Variants in GRIK4 observed in about 807,000 individuals in gnomAD.
The protein encoded by GRIK4 is glutamate ionotropic receptor kainate type subunit 4.
In GRIK4, 40 loss-of-function variants were observed where a neutral mutation model predicts 104.9. The ratio of observed to expected loss-of-function variants is 0.38; its 90% CI spans 0.30 to 0.50. The LOEUF is 0.50. Ranked by LOEUF, GRIK4 falls within the 20% of genes least tolerant of loss-of-function variation. GRIK4 has a pLI of 0.93. For synonymous variants in GRIK4, 485 were observed against 524.9 expected (o/e 0.92, Z 1.04); for missense variants, 1,047 against 1,308.1 (o/e 0.80, Z 3.08).
rs563988152 is a variant in GRIK4 at position 120,524,263 on chromosome 11, G to A, written c.-159+12376G>A. On this transcript the variant is annotated intron_variant, in intron 1 of 20. Coordinates refer to ENST00000527524, the MANE Select transcript of GRIK4 (RefSeq NM_014619.5). This position sits in a 1 kb window ranked among gnomAD's most constrained non-coding sequence, Gnocchi z 4.5. Reference sequence around the variant, plus strand: ...TTCCCCAACAACCAGAACAGCACTGGGTGCTCAGTATGCGTTTAGTGGGTG... The same window carrying A: ...TTCCCCAACAACCAGAACAGCACTGAGTGCTCAGTATGCGTTTAGTGGGTG... Among the ~76,000 whole-genome samples the A allele has an allele frequency of 6.6e-6, 1 of 152,258 alleles. No homozygotes were observed. Among genetic ancestry groups the A allele is most frequent in the South Asian group, 2.1e-4 (1 of 4,818 alleles).
At chr11:120,961,285 G>A (rs1272649773) in intron 17 of GRIK4, among the ~76,000 whole-genome samples, 1 of 152,168 alleles carries the variant, frequency 6.6e-6, no homozygotes, top group African/African-American at 2.4e-5. Flanking sequence ...ATCAGCCGGT[G>A]CCAGAGTGGT....
At chr11:120,971,244 T>G (rs1944470258) in intron 19 of GRIK4, among the ~76,000 whole-genome samples, 1 of 152,208 alleles carries the variant, frequency 6.6e-6, no homozygotes, top group Non-Finnish European at 1.5e-5. Context: ...CTGTTGACAT[T>G]TTCCCCCCTA....
At chr11:120,842,116 C>G (rs1266405075) in intron 8 of GRIK4, among the ~76,000 whole-genome samples, 1 of 152,094 alleles carries the variant, frequency 6.6e-6, no homozygotes, top group Non-Finnish European at 1.5e-5. Context: ...AACACTGTAC[C>G]TGGTAGGTAA....
At chr11:120,744,994 T>A (rs1256852672) in intron 3 of GRIK4, among the ~76,000 whole-genome samples, 2 of 151,992 alleles carry the variant, frequency 1.3e-5, no homozygotes, top group Admixed American at 6.6e-5. Flanking sequence ...GTAATTAAAT[T>A]TGTGTTTCTT....
intron 3 of GRIK4, among the ~76,000 whole-genome samples, chr11:120,672,258 A>G (rs1950031498): frequency 6.6e-6 from 1 of 152,120 alleles, no homozygotes; most frequent in African/African-American, 2.4e-5. Context: ...TCTACTAAAA[A>G]TACAAAAATT....
chr11:120,786,666 C>A (rs1276838773), intron 3 of GRIK4, among the ~76,000 whole-genome samples: 1 of 152,210 alleles, frequency 6.6e-6, no homozygotes, highest in East Asian at 1.9e-4. Context: ...AATGCATGTA[C>A]ATATCAGAGC....
chr11:120,946,107 T>C (rs1475323239), intron 14 of GRIK4, among the ~76,000 whole-genome samples: 3 of 152,244 alleles, frequency 2.0e-5, no homozygotes, highest in Non-Finnish European at 4.4e-5. Flanking sequence ...CAAATATCTG[T>C]GTGAATGGAG....
At chr11:120,589,372 TA>T (rs1171315827) in intron 1 of GRIK4, among the ~76,000 whole-genome samples, 2 of 152,172 alleles carry the variant, frequency 1.3e-5, no homozygotes, top group Non-Finnish European at 2.9e-5. Context: ...GTCAAAATCC[TA>T]CCTTGGCCAC....
intron 3 of GRIK4, among the ~76,000 whole-genome samples, chr11:120,665,249 G>GT (rs2135251372): frequency 6.6e-6 from 1 of 151,658 alleles, no homozygotes; most frequent in South Asian, 2.1e-4. Flanking sequence ...TTCACCATGG[G>GT]TTTGTTTGAG....
At position 120,986,839 on chromosome 11, in the gene GRIK4, A is replaced by G. The variant is rs947081711; in HGVS notation, c.*579A>G. 3.3e-5 allele frequency: 5 copies of G among 152,220 alleles called. No homozygotes were observed. Among genetic ancestry groups the G allele is most frequent in the African/African-American group, 1.2e-4 (5 of 41,422 alleles). 9.4% of individuals were successfully genotyped at this position (152,220 alleles called of 1,614,324 possible). ...GCTGGGTTAGGGAATGGAAGCCTAAATAATCCCTATTTCTTCTTTTTCCTG... is the reference window on the plus strand; with the variant it reads ...GCTGGGTTAGGGAATGGAAGCCTAAGTAATCCCTATTTCTTCTTTTTCCTG... On this transcript the variant is annotated 3_prime_UTR_variant, in exon 21 of 21. Coordinates refer to ENST00000527524, the MANE Select transcript of GRIK4 (RefSeq NM_014619.5).
chr11:120,551,308 G>A (rs980409006), intron 1 of GRIK4, among the ~76,000 whole-genome samples: 9 of 152,094 alleles, frequency 5.9e-5, no homozygotes, highest in African/African-American at 9.7e-5. Flanking sequence ...TCTCCTGCCC[G>A]CTTTTCACCT....
chr11:120,625,562 G>A (rs1043746350), intron 1 of GRIK4, among the ~76,000 whole-genome samples: 10 of 152,160 alleles, frequency 6.6e-5, no homozygotes, highest in East Asian at 1.9e-4. Flanking sequence ...CAGCTCTTCC[G>A]TGGCTCTTTC....
At chr11:120,579,772 A>G (rs545768197) in intron 1 of GRIK4, among the ~76,000 whole-genome samples, 1 of 152,278 alleles carries the variant, frequency 6.6e-6, no homozygotes, top group East Asian at 1.9e-4. Context: ...TTTTACACAC[A>G]GTAAAATTCC....
rs909717347 is a variant in GRIK4 at position 120,555,069 on chromosome 11, G to A, written c.-159+43182G>A. On this transcript the variant is annotated intron_variant, in intron 1 of 20. Coordinates refer to ENST00000527524, the MANE Select transcript of GRIK4 (RefSeq NM_014619.5). This position sits in a 1 kb window ranked among gnomAD's most constrained non-coding sequence, Gnocchi z 5.3. ...AGCTGGTTGCCTCTGAAGCCTGTGA[G>A]GCATGAGAAGGCGCTCTGCAGCCCG... Among the ~76,000 whole-genome samples, 3 of 152,254 alleles carry A rather than the reference G, an allele frequency of 2.0e-5. No individual in the cohort carries two copies. Among genetic ancestry groups the A allele is most frequent in the Non-Finnish European group, 4.4e-5 (3 of 68,046 alleles).
chr11:120,589,015 A>G (rs1948703842), intron 1 of GRIK4, among the ~76,000 whole-genome samples: 1 of 152,178 alleles, frequency 6.6e-6, no homozygotes, highest in African/African-American at 2.4e-5. Flanking sequence ...TTATGAGCAG[A>G]TGGTGCAGAG....
At chr11:120,813,099 G>A (rs1023428584) in intron 4 of GRIK4, among the ~76,000 whole-genome samples, 18 of 152,178 alleles carry the variant, frequency 1.2e-4, no homozygotes, top group Admixed American at 9.8e-4. Context: ...CGAGGTGGGC[G>A]GGGGGACCTC....
chr11:120,552,347 T>C (rs1948148583), intron 1 of GRIK4, among the ~76,000 whole-genome samples: 1 of 152,180 alleles, frequency 6.6e-6, no homozygotes, highest in South Asian at 2.1e-4. Flanking sequence ...AGAAGTCTTC[T>C]GTGTTGGGGA....
At chr11:120,836,767 A>C in intron 7 of GRIK4, 24 bp from the exon 8 acceptor site, 1 of 1,563,896 alleles carries the variant, frequency 6.4e-7, no homozygotes. Flanking sequence ...TTTCTTCTCT[A>C]ATCTCCTTCT....
At chr11:120,684,521 T>C (rs866630203) in intron 3 of GRIK4, among the ~76,000 whole-genome samples, 12 of 152,324 alleles carry the variant, frequency 7.9e-5, no homozygotes, top group Non-Finnish European at 1.2e-4. Context: ...GAAAAGTGAA[T>C]GACAGTGCAA....
Sources: allele counts gnomAD v4.1 joint callset (sites outside exome capture counted in the v4.1 genomes callset), GRCh38; gene constraint gnomAD v4.1.1; non-coding constraint Gnocchi (gnomAD v3.1); transcripts MANE v1.5; gene names NCBI Gene and HGNC (gene_info 2026-07-23, HGNC 2026-07-21).